The following ANKRD10 variants were observed in gnomAD, a reference collection of about 807,000 sequenced individuals.
ANKRD10 encodes ankyrin repeat domain 10.
A neutral mutation model predicts 27.0 loss-of-function variants in ANKRD10; 14 were observed. That is an observed-to-expected ratio of 0.52 (90% CI 0.34 to 0.81). The LOEUF (loss-of-function observed/expected upper bound fraction) is 0.81. Ranked by LOEUF, ANKRD10 falls within the 40% of genes least tolerant of loss-of-function variation. The probability of loss-of-function intolerance (pLI) is 0.01; values close to 1 mark genes in which losing one functional copy is unlikely to be tolerated. For missense variants in ANKRD10, 493 were observed against 544.0 expected (o/e 0.91, Z 0.93); for synonymous variants, 250 against 224.5 (o/e 1.11, Z -1.01).
chr13:110,907,853 G>A (rs1421980194), intron 2 of ANKRD10, among the ~76,000 whole-genome samples: 1 of 151,852 alleles, frequency 6.6e-6, no homozygotes, highest in African/African-American at 2.4e-5. Context: ...TTTAGATAAA[G>A]TTTTGCCAAA....
At position 110,914,987 on chromosome 13, in the gene ANKRD10, G is replaced by A. The variant is rs1343235739; in HGVS notation, c.-53C>T. On this transcript the variant is annotated 5_prime_UTR_variant, in exon 1 of 6. Coordinates refer to ENST00000267339, the MANE Select transcript of ANKRD10 (RefSeq NM_017664.4). ...GCTGGCCTAGAGGACGCGTCGGGGA[G>A]GACTCGAGAAGCCGCCGCCGCAGCA... 2.0e-6 allele frequency: 3 copies of A among 1,499,912 alleles called. No homozygotes were observed. The highest frequency in any genetic ancestry group is 2.7e-6 in the Non-Finnish European group (3 of 1,129,304). 92.9% of individuals were successfully genotyped at this position (1,499,912 alleles called of 1,614,324 possible). A position where few individuals can be genotyped will look rare whatever the true frequency, so the allele number is the denominator to read the frequency against.
chr13:110,901,550 GTATTT>G (rs1191119684), intron 3 of ANKRD10, among the ~76,000 whole-genome samples: 2 of 152,198 alleles, frequency 1.3e-5, no homozygotes, highest in African/African-American at 4.8e-5. Context: ...ATTAAAATCT[GTATTT>G]TAATCAAGCT....
intron 1 of ANKRD10, among the ~76,000 whole-genome samples, chr13:110,911,161 TTG>T (rs1302829307): frequency 2.0e-5 from 3 of 152,188 alleles, no homozygotes; most frequent in Non-Finnish European, 4.4e-5. Context: ...TTAAAAAACT[TTG>T]TGTAGGCCGG....
At chr13:110,894,010 C>T (rs2065151877) in intron 3 of ANKRD10, 4 of 871,208 alleles carry the variant, frequency 4.6e-6, no homozygotes, top group Non-Finnish European at 5.5e-6. Context: ...AAGGAAAGGT[C>T]TGAGACCTCT....
At chr13:110,898,042 T>C (rs925567184) in intron 3 of ANKRD10, among the ~76,000 whole-genome samples, 1 of 152,206 alleles carries the variant, frequency 6.6e-6, no homozygotes, top group Non-Finnish European at 1.5e-5. Flanking sequence ...TTGCCAAATC[T>C]GTCACAAAAT....
intron 3 of ANKRD10, among the ~76,000 whole-genome samples, chr13:110,896,126 G>A (rs2138849914): frequency 6.6e-6 from 1 of 152,356 alleles, no homozygotes; most frequent in South Asian, 2.1e-4. Context: ...ACATGATGGG[G>A]AGGTGAAAAA....
intron 1 of ANKRD10, 45 bp downstream of exon 1, chr13:110,914,680 A>C (rs561534984): frequency 3.3e-6 from 5 of 1,527,930 alleles, no homozygotes; most frequent in Middle Eastern, 1.9e-4. Flanking sequence ...CCCGACTCCC[A>C]CTGGACAGCC....
intron 3 of ANKRD10, chr13:110,894,485 T>G (rs545890712): frequency 1.4e-4 from 32 of 227,966 alleles, no homozygotes; most frequent in African/African-American, 6.9e-4. Context: ...TTCTTATTTA[T>G]AAGGACTGAC....
chr13:110,908,162 G>A (rs1416308547), intron 2 of ANKRD10, among the ~76,000 whole-genome samples: 1 of 152,174 alleles, frequency 6.6e-6, no homozygotes, highest in Non-Finnish European at 1.5e-5. Flanking sequence ...ACAGGGAACT[G>A]GGAGCAGTGC....
intron 1 of ANKRD10, among the ~76,000 whole-genome samples, chr13:110,913,844 T>TA (rs1222921003): frequency 1.3e-5 from 2 of 152,306 alleles, no homozygotes; most frequent in Non-Finnish European, 2.9e-5. Context: ...GGTGAAATCT[T>TA]ATTTAAGATT....
At chr13:110,881,240 G>A (rs1017168732) in intron 5 of ANKRD10, among the ~76,000 whole-genome samples, 2 of 152,166 alleles carry the variant, frequency 1.3e-5, no homozygotes, top group East Asian at 3.8e-4. Flanking sequence ...ATCTAGAAGA[G>A]CTCAGTTCTA....
At chr13:110,892,115 T>G (rs983097860) in intron 4 of ANKRD10, among the ~76,000 whole-genome samples, 1 of 150,254 alleles carries the variant, frequency 6.7e-6, no homozygotes, top group African/African-American at 2.4e-5. Flanking sequence ...AACTCAAACC[T>G]ACCTTAAAAA....
At chr13:110,889,183 C>T (rs1433816269) in intron 4 of ANKRD10, among the ~76,000 whole-genome samples, 1 of 152,148 alleles carries the variant, frequency 6.6e-6, no homozygotes, top group Non-Finnish European at 1.5e-5. Context: ...AGAACGCTAG[C>T]AAACCTGAAC....
intron 2 of ANKRD10, among the ~76,000 whole-genome samples, chr13:110,908,908 C>T (rs1163596005): frequency 1.3e-5 from 2 of 152,152 alleles, no homozygotes; most frequent in Non-Finnish European, 2.9e-5. Context: ...GAAATGTCTA[C>T]CCGGATACTT....
intron 3 of ANKRD10, chr13:110,894,229 C>T (rs1053626581): frequency 3.3e-6 from 5 of 1,527,642 alleles, no homozygotes; most frequent in Non-Finnish European, 3.6e-6. Flanking sequence ...ATCCTGTTAG[C>T]TGCAGGTTGA....
rs1424213759 is a variant in ANKRD10 at position 110,910,624 on chromosome 13, G to A, written c.357C>T (p.Asn119=). Residue 119 remains asparagine (N), a synonymous_variant, in exon 2 of 6, where the codon AAC becomes AAT. Transcript: ENST00000267339. ...CCATCACCAGCACTCTTACCGGTTT[G>A]TTAATGTTGGCTCCTGCTTGAATCA... ...VWLIQAGANI[N]KPDCEGETPI... 6.2e-7 allele frequency: 1 copy of A among 1,613,826 alleles called. No homozygotes were observed.
intron 3 of ANKRD10, chr13:110,903,926 G>C (rs1171032386): frequency 6.6e-6 from 1 of 152,152 alleles, no homozygotes; most frequent in Non-Finnish European, 1.5e-5. Context: ...TACCATATGA[G>C]CAGCGTTACA....
intron 4 of ANKRD10, 92 bp downstream of exon 4, chr13:110,892,936 T>TCTCATC: frequency 6.6e-7 from 1 of 1,522,550 alleles, no homozygotes; most frequent in Non-Finnish European, 8.8e-7. Context: ...GAAGTGAAGG[T>TCTCATC]CTCATCTCGA....
At chr13:110,883,316 A>G (rs1269180506) in intron 5 of ANKRD10, 3 of 184,210 alleles carry the variant, frequency 1.6e-5, no homozygotes, top group Non-Finnish European at 3.2e-5. Context: ...GCCATATGTC[A>G]GAAAATTAAA....
Sources: gnomAD v4.1 joint callset for allele counts (sites outside exome capture counted in the v4.1 genomes callset) on GRCh38, gnomAD v4.1.1 for gene constraint, MANE v1.5 for transcripts, NCBI Gene and HGNC (gene_info 2026-07-23, HGNC 2026-07-21) for gene names.